Variants in PSMD14 observed in about 807,000 individuals in gnomAD.
PSMD14 encodes proteasome 26S subunit, non-ATPase 14, also known as ubiquitin C-terminal hydrolase PSMD14.
Under a neutral mutation model 41.2 loss-of-function variants are expected in PSMD14, and 7 were observed. That is an observed-to-expected ratio of 0.17 (90% CI 0.10 to 0.32). The LOEUF is 0.32. Ranked by LOEUF, PSMD14 falls within the 10% of genes least tolerant of loss-of-function variation. The pLI is 1.00. For missense variants in PSMD14, 139 were observed against 375.6 expected, an observed-to-expected ratio of 0.37 and a Z score of 5.21; for synonymous variants, 114 against 122.3, an observed-to-expected ratio of 0.93 and a Z score of 0.45.
At chr2:161,367,395 C>G (rs775974556) in intron 3 of PSMD14, 83 bp from the exon 4 acceptor site, 188 of 1,110,142 alleles carry the variant, frequency 1.7e-4, no homozygotes, top group Non-Finnish European at 2.3e-4. Context: ...TTAAAAATAT[C>G]AAGTTTATAC....
intron 3 of PSMD14, among the ~76,000 whole-genome samples, chr2:161,359,725 C>G (rs1249326742): frequency 6.6e-6 from 1 of 152,020 alleles, no homozygotes; most frequent in Non-Finnish European, 1.5e-5. Flanking sequence ...GGAAATGGCT[C>G]CAGGTGGCAG....
intron 1 of PSMD14, among the ~76,000 whole-genome samples, chr2:161,315,615 C>T (rs533992660): frequency 6.6e-6 from 1 of 152,034 alleles, no homozygotes; most frequent in Admixed American, 6.5e-5. Flanking sequence ...CATTATTTTC[C>T]ATATTCTTGT....
chr2:161,335,610 T>C (rs1294157353), intron 3 of PSMD14, among the ~76,000 whole-genome samples: 1 of 152,246 alleles, frequency 6.6e-6, no homozygotes, highest in Admixed American at 6.5e-5. Flanking sequence ...CATGATTTAC[T>C]TAATTAGTGC....
At position 161,311,625 on chromosome 2, in the gene PSMD14, CTTTTTTTTTTTTT is replaced by C. The variant is rs34635738; in HGVS notation, c.-138+3033_-138+3045del. On this transcript the variant is annotated intron_variant, in intron 1 of 11. Coordinates refer to ENST00000409682, the MANE Select transcript of PSMD14 (RefSeq NM_005805.6). ...TATGATGAGTCTGTTCTCACTCTTC[CTTTTTTTTTTTTT>C]TTTTTTTTTTTGAGATGAAACCTTG... Among the ~76,000 whole-genome samples the C allele has an allele frequency of 1.0e-4, 6 of 58,586 alleles. No homozygotes were observed. The South Asian group carries it at 2.2e-3, about 22-fold the overall frequency. 38.4% of individuals were successfully genotyped at this position (58,586 alleles called of 152,430 possible). A position where few individuals can be genotyped will look rare whatever the true frequency, so the allele number is the denominator to read the frequency against.
intron 3 of PSMD14, among the ~76,000 whole-genome samples, chr2:161,333,988 G>A (rs536061299): frequency 2.1e-4 from 32 of 150,602 alleles, no homozygotes; most frequent in African/African-American, 6.8e-4. Flanking sequence ...CTGAGATGGC[G>A]CCACTGCACT....
chr2:161,374,528 A>C (rs1683479291), intron 7 of PSMD14, among the ~76,000 whole-genome samples: 1 of 152,030 alleles, frequency 6.6e-6, no homozygotes. Context: ...AATTGCATTC[A>C]TAATTTAAAT....
chr2:161,358,993 A>G (rs1407247654), intron 3 of PSMD14, among the ~76,000 whole-genome samples: 1 of 152,086 alleles, frequency 6.6e-6, no homozygotes, highest in Non-Finnish European at 1.5e-5. Context: ...TTTTCTGGAG[A>G]TAGGGCCTCG....
intron 1 of PSMD14, among the ~76,000 whole-genome samples, chr2:161,310,347 CAAG>C (rs1426853047): frequency 6.6e-6 from 1 of 152,162 alleles, no homozygotes; most frequent in Non-Finnish European, 1.5e-5. Flanking sequence ...ATTTCAGTAA[CAAG>C]AAGCAACTGT....
chr2:161,359,944 T>G (rs1683266305), intron 3 of PSMD14, among the ~76,000 whole-genome samples: 1 of 152,240 alleles, frequency 6.6e-6, no homozygotes, highest in Non-Finnish European at 1.5e-5. Context: ...TTCTCGAAGC[T>G]TTTGTTTAAC....
rs1290815227 is a variant in PSMD14, at chr2:161,402,821, C to T, written c.772-6016C>T. On this transcript the variant is annotated intron_variant, in intron 10 of 11. Coordinates refer to ENST00000409682, the MANE Select transcript of PSMD14 (RefSeq NM_005805.6). ...GAAGATATGCAAATGGTTACAAACA[C>T]ATAAAAAAGATGTTCAATCAATTAT... Among the ~76,000 whole-genome samples, 4 of 152,068 alleles carry T rather than the reference C, an allele frequency of 2.6e-5. No homozygotes were observed. The South Asian group carries it at 6.2e-4, about 24-fold the overall frequency.
chr2:161,332,438 G>T (rs1011350160), intron 3 of PSMD14, among the ~76,000 whole-genome samples: 6 of 152,112 alleles, frequency 3.9e-5, no homozygotes, highest in Non-Finnish European at 8.8e-5. Context: ...TAATTTCAAT[G>T]ACCAATCTTG....
chr2:161,394,268 G>A (rs1412033257), intron 9 of PSMD14, among the ~76,000 whole-genome samples: 3 of 151,930 alleles, frequency 2.0e-5, no homozygotes, highest in Non-Finnish European at 4.4e-5. Flanking sequence ...CACTGTGCCC[G>A]GCCTAGATAA....
Position 161,393,766 on chromosome 2 carries a change from G to A in PSMD14, c.646-1312G>A, listed in dbSNP as rs113773284. Among the ~76,000 whole-genome samples the A allele has an allele frequency of 6.6e-5, 10 of 151,848 alleles. 1 individual carries two copies. Among genetic ancestry groups the A allele is most frequent in the African/African-American group, 2.2e-4 (9 of 41,392 alleles). On this transcript the variant is annotated intron_variant, in intron 9 of 11. Transcript: ENST00000409682. ...AAAGGGAAAAAACTTCTTATTTAAT[G>A]ATGGTCCTCAATTGAAGAAAATTTG...
At chr2:161,368,511 T>G (rs1683389573) in intron 5 of PSMD14, among the ~76,000 whole-genome samples, 1 of 152,074 alleles carries the variant, frequency 6.6e-6, no homozygotes, top group African/African-American at 2.4e-5. Flanking sequence ...GTTTGTTTTG[T>G]TTTGCCTTTT....
chr2:161,367,661 T>A, intron 4 of PSMD14, 112 bp downstream of exon 4: 1 of 1,409,374 alleles, frequency 7.1e-7, no homozygotes, highest in Non-Finnish European at 9.5e-7. Flanking sequence ...AGCTATTGTT[T>A]TAGGTACATT....
intron 3 of PSMD14, among the ~76,000 whole-genome samples, chr2:161,348,849 T>A (rs1284252499): frequency 6.6e-6 from 1 of 152,236 alleles, no homozygotes; most frequent in Non-Finnish European, 1.5e-5. Flanking sequence ...TATTATTCAT[T>A]AGACCTTTTT....
At chr2:161,331,684 G>T (rs1456551794) in intron 3 of PSMD14, among the ~76,000 whole-genome samples, 1 of 152,124 alleles carries the variant, frequency 6.6e-6, no homozygotes, top group African/African-American at 2.4e-5. Context: ...GAATGTCATT[G>T]TAACATCTAG....
intron 3 of PSMD14, chr2:161,340,904 G>A: frequency 6.2e-7 from 1 of 1,613,872 alleles, no homozygotes; most frequent in Non-Finnish European, 8.5e-7. Context: ...GGCTGTATTT[G>A]AAGGAGAAGC....
At chr2:161,348,581 G>A (rs1320976486) in intron 3 of PSMD14, among the ~76,000 whole-genome samples, 1 of 152,180 alleles carries the variant, frequency 6.6e-6, no homozygotes, top group Non-Finnish European at 1.5e-5. Context: ...TCATACTAAT[G>A]AAAAAGCACA....
Sources: allele counts gnomAD v4.1 joint callset (sites outside exome capture counted in the v4.1 genomes callset), GRCh38; gene constraint gnomAD v4.1.1; transcripts MANE v1.5; gene names NCBI Gene and HGNC (gene_info 2026-07-23, HGNC 2026-07-21).